The following NXPH1 variants were observed in gnomAD, a reference collection of about 807,000 sequenced individuals.
NXPH1 encodes neurexophilin-1.
In NXPH1, 5 loss-of-function variants were observed where a neutral mutation model predicts 23.7. That is an observed-to-expected ratio of 0.21 (90% CI 0.11 to 0.44). The LOEUF is 0.44. Among genes scored for constraint, NXPH1 ranks in the 20% least tolerant of loss-of-function variants. NXPH1 has a pLI of 0.99. For synonymous variants in NXPH1, 144 were observed against 122.2 expected (o/e 1.18, Z -1.18); for missense variants, 324 against 321.6 (o/e 1.01, Z -0.06).
chr7:8,663,493 A>G (rs1341951689), intron 2 of NXPH1, among the ~76,000 whole-genome samples: 1 of 152,102 alleles, frequency 6.6e-6, no homozygotes, highest in Non-Finnish European at 1.5e-5. Flanking sequence ...TCTAAAATTA[A>G]CTGGTTGTAT....
At chr7:8,749,394 C>G (rs1298622950) in intron 2 of NXPH1, among the ~76,000 whole-genome samples, 1 of 152,152 alleles carries the variant, frequency 6.6e-6, no homozygotes, top group African/African-American at 2.4e-5. Flanking sequence ...GAGTCTGGCT[C>G]TAGAATTTAT....
At chr7:8,518,178 A>G (rs1355677965) in intron 2 of NXPH1, among the ~76,000 whole-genome samples, 2 of 152,178 alleles carry the variant, frequency 1.3e-5, no homozygotes, top group Non-Finnish European at 2.9e-5. Context: ...GTACAGGTCA[A>G]TATGAAATTC....
At chr7:8,648,342 C>G (rs985695150) in intron 2 of NXPH1, among the ~76,000 whole-genome samples, 2 of 152,150 alleles carry the variant, frequency 1.3e-5, no homozygotes, top group African/African-American at 4.8e-5. Flanking sequence ...TGGAAACCAT[C>G]CTTCTACTCT....
intron 2 of NXPH1, among the ~76,000 whole-genome samples, chr7:8,568,210 T>C (rs755765370): frequency 6.6e-6 from 1 of 151,920 alleles, no homozygotes; most frequent in Non-Finnish European, 1.5e-5. Flanking sequence ...TAAACCAAGA[T>C]GGTGGAATTT....
At chr7:8,617,728 G>C (rs1438744127) in intron 2 of NXPH1, among the ~76,000 whole-genome samples, 1 of 152,214 alleles carries the variant, frequency 6.6e-6, no homozygotes, top group Non-Finnish European at 1.5e-5. Flanking sequence ...CCTACTATTT[G>C]ATAGAACAAC....
chr7:8,737,779 T>C (rs1780287522), intron 2 of NXPH1, among the ~76,000 whole-genome samples: 1 of 152,218 alleles, frequency 6.6e-6, no homozygotes, highest in Non-Finnish European at 1.5e-5. Flanking sequence ...CAGTCAAAGG[T>C]AGGTTTGTTT....
intron 2 of NXPH1, among the ~76,000 whole-genome samples, chr7:8,516,890 C>A (rs1185735498): frequency 6.6e-6 from 1 of 152,114 alleles, no homozygotes; most frequent in Non-Finnish European, 1.5e-5. Flanking sequence ...GAGGGCAGAT[C>A]TTTTCCCTTC....
intron 2 of NXPH1, among the ~76,000 whole-genome samples, chr7:8,448,917 T>G (rs1236450755): frequency 6.6e-6 from 1 of 152,078 alleles, no homozygotes; most frequent in Non-Finnish European, 1.5e-5. Flanking sequence ...ATAAATAGAT[T>G]GCCTAATTGA....
intron 2 of NXPH1, among the ~76,000 whole-genome samples, chr7:8,543,417 A>G (rs894890969): frequency 6.6e-6 from 1 of 151,604 alleles, no homozygotes; most frequent in Non-Finnish European, 1.5e-5. Flanking sequence ...GCAATATCAC[A>G]CAGACTCTCT....
intron 2 of NXPH1, among the ~76,000 whole-genome samples, chr7:8,595,870 G>A (rs977668922): frequency 6.6e-6 from 1 of 151,896 alleles, no homozygotes; most frequent in East Asian, 1.9e-4. Context: ...TTTGAGGCTC[G>A]GTTTTACAGC....
intron 2 of NXPH1, among the ~76,000 whole-genome samples, chr7:8,662,289 A>G (rs1255039977): frequency 3.3e-5 from 5 of 151,982 alleles, no homozygotes; most frequent in African/African-American, 1.2e-4. Context: ...TGTCATATAA[A>G]TTTGTAACTG....
At chr7:8,641,617 C>A (rs2115143658) in intron 2 of NXPH1, among the ~76,000 whole-genome samples, 1 of 152,098 alleles carries the variant, frequency 6.6e-6, no homozygotes, top group South Asian at 2.1e-4. Flanking sequence ...TTTCCTTTTT[C>A]TTTTTTAAAA....
chr7:8,720,798 G>A (rs577660694), intron 2 of NXPH1, among the ~76,000 whole-genome samples: 82 of 152,276 alleles, frequency 5.4e-4, no homozygotes, highest in Middle Eastern at 3.4e-3. Context: ...AAGGAATTCC[G>A]TTTCTCTAAT....
chr7:8,739,171 T>TAAA (rs34593997), intron 2 of NXPH1, among the ~76,000 whole-genome samples: 836 of 54,050 alleles, frequency 0.015, 48 homozygotes, highest in East Asian at 0.058. Flanking sequence ...ACCAGTGGGG[T>TAAA]AAAAAAAAAA....
At chr7:8,727,894 T>TG (rs1780083600) in intron 2 of NXPH1, among the ~76,000 whole-genome samples, 1 of 151,908 alleles carries the variant, frequency 6.6e-6, no homozygotes, top group African/African-American at 2.4e-5. Context: ...GGTGGCTTGA[T>TG]GGGGATGGCA....
intron 2 of NXPH1, among the ~76,000 whole-genome samples, chr7:8,651,657 G>T (rs1433729264): frequency 2.6e-5 from 4 of 152,116 alleles, no homozygotes; most frequent in Non-Finnish European, 5.9e-5. Context: ...GATTTATTCA[G>T]ATTTAATTTA....
intron 2 of NXPH1, among the ~76,000 whole-genome samples, chr7:8,571,006 TATCTGTCTGTCTATCTAATCTA>T (rs1397988219): frequency 1.4e-5 from 2 of 146,596 alleles, no homozygotes; most frequent in Non-Finnish European, 1.5e-5. Context: ...TATGTCTGTC[TATCTGTCTGTCTATCTAATCTA>T]ATCTAATCTA....
chr7:8,524,973 C>A (rs1403875390), intron 2 of NXPH1, among the ~76,000 whole-genome samples: 1 of 152,136 alleles, frequency 6.6e-6, no homozygotes, highest in Middle Eastern at 3.4e-3. Context: ...AAAAGATACC[C>A]GAAAATGTGG....
intron 2 of NXPH1, among the ~76,000 whole-genome samples, chr7:8,643,531 A>G (rs1221311326): frequency 6.6e-6 from 1 of 152,098 alleles, no homozygotes; most frequent in East Asian, 1.9e-4. Context: ...TGACAATTTG[A>G]CTGATTTATT....
Sources: gnomAD v4.1 joint callset for allele counts (sites outside exome capture counted in the v4.1 genomes callset) on GRCh38, gnomAD v4.1.1 for gene constraint, MANE v1.5 for transcripts, NCBI Gene and HGNC (gene_info 2026-07-23, HGNC 2026-07-21) for gene names.